DCC: variants seen among roughly 807,000 people sequenced by gnomAD.
The protein encoded by DCC is netrin receptor DCC.
In DCC, 58 loss-of-function variants were observed where a neutral mutation model predicts 172.5. That is an observed-to-expected ratio of 0.34 (90% confidence interval 0.27 to 0.42). The LOEUF is 0.42. DCC is among the 10% of genes least tolerant of loss of function. The pLI, the probability that DCC is intolerant of heterozygous loss-of-function variation, is 1.00. For missense variants in DCC, 1,740 were observed against 1,791.0 expected (o/e 0.97, Z 0.51); for synonymous variants, 709 against 644.5 (o/e 1.10, Z -1.52).
intron 1 of DCC, among the ~76,000 whole-genome samples, chr18:52,647,005 A>G (rs922670519): frequency 6.6e-6 from 1 of 152,192 alleles, no homozygotes; most frequent in African/African-American, 2.4e-5. Context: ...TGAATAACAA[A>G]AGACAGTCCT....
intron 15 of DCC, among the ~76,000 whole-genome samples, chr18:53,361,297 T>G (rs1425275368): frequency 2.6e-5 from 4 of 152,200 alleles, no homozygotes; most frequent in Non-Finnish European, 5.9e-5. Flanking sequence ...GTTTGTGTAT[T>G]TGTTATGGCA....
chr18:53,504,345 GT>G (rs1192607895), intron 27 of DCC, among the ~76,000 whole-genome samples: 1 of 152,142 alleles, frequency 6.6e-6, no homozygotes, highest in Non-Finnish European at 1.5e-5. Context: ...CCTTTAGAAG[GT>G]GACACAAGAC....
chr18:53,456,989 C>T (rs2045491152), intron 23 of DCC, among the ~76,000 whole-genome samples: 1 of 152,142 alleles, frequency 6.6e-6, no homozygotes, highest in African/African-American at 2.4e-5. Flanking sequence ...CCAAAGATTT[C>T]TCCTTTAATA....
intron 21 of DCC, among the ~76,000 whole-genome samples, chr18:53,430,030 C>T (rs1428989803): frequency 2.0e-5 from 3 of 152,100 alleles, no homozygotes. Context: ...CACATTTCAG[C>T]CTCTGACAAA....
intron 2 of DCC, among the ~76,000 whole-genome samples, chr18:52,785,142 G>A (rs778654603): frequency 3.3e-5 from 5 of 151,996 alleles, no homozygotes; most frequent in South Asian, 2.1e-4. Context: ...CCAGTTAATC[G>A]ACACCATCTT....
At chr18:53,012,338 C>T (rs1278304071) in intron 5 of DCC, among the ~76,000 whole-genome samples, 4 of 151,878 alleles carry the variant, frequency 2.6e-5, no homozygotes, top group African/African-American at 9.7e-5. Flanking sequence ...AAATAGAATA[C>T]TGAACAGTAA....
chr18:52,754,009 C>G (rs1176351097), intron 2 of DCC: 6 of 152,046 alleles, frequency 3.9e-5, no homozygotes, highest in Non-Finnish European at 8.8e-5. Flanking sequence ...TCAACGTAAT[C>G]TTTAGTTCTC....
chr18:53,281,331 A>ATGTC (rs2056869365), intron 12 of DCC, among the ~76,000 whole-genome samples: 1 of 152,200 alleles, frequency 6.6e-6, no homozygotes, highest in African/African-American at 2.4e-5. Context: ...TAAATTTGAT[A>ATGTC]TGTCATGTAA....
At chr18:52,592,279 T>C (rs1253913416) in intron 1 of DCC, among the ~76,000 whole-genome samples, 1 of 152,182 alleles carries the variant, frequency 6.6e-6, no homozygotes, top group Non-Finnish European at 1.5e-5. Flanking sequence ...GAAGAAACTT[T>C]TTGCAGAGGA....
chr18:53,420,166 A>T lies in DCC; in HGVS notation c.3163+4010A>T, dbSNP rs367761075. Among the ~76,000 whole-genome samples the T allele has an allele frequency of 8.3e-4, 127 of 152,252 alleles. 1 individual carries two copies. The South Asian group carries it at 0.015, about 17-fold the overall frequency. On this transcript the variant is annotated intron_variant, in intron 21 of 28. Coordinates refer to ENST00000442544, the MANE Select transcript of DCC (RefSeq NM_005215.4). ...CACCATGCCCCACCCAAAAGCCCTGATTTTAACCATCAACTGCATGACAAC... is the reference window on the plus strand; with the variant it reads ...CACCATGCCCCACCCAAAAGCCCTGTTTTTAACCATCAACTGCATGACAAC...
intron 5 of DCC, among the ~76,000 whole-genome samples, chr18:52,987,338 A>G (rs971625735): frequency 2.0e-5 from 3 of 152,164 alleles, no homozygotes; most frequent in African/African-American, 4.8e-5. Flanking sequence ...AACAAAACAC[A>G]GATAAGACAA....
At chr18:52,661,543 T>A (rs2144948198) in intron 1 of DCC, among the ~76,000 whole-genome samples, 1 of 152,362 alleles carries the variant, frequency 6.6e-6, no homozygotes, top group South Asian at 2.1e-4. Context: ...TCTGTTTCCC[T>A]GATGCCTCCA....
chr18:53,088,673 C>T (rs912025354), intron 7 of DCC, among the ~76,000 whole-genome samples: 4 of 151,670 alleles, frequency 2.6e-5, no homozygotes, highest in Non-Finnish European at 5.9e-5. Flanking sequence ...GCTAGCAAGA[C>T]TAATAAAGAA....
intron 4 of DCC, 34 bp from the exon 5 acceptor site, chr18:52,925,200 T>G: frequency 6.2e-7 from 1 of 1,605,560 alleles, no homozygotes; most frequent in Non-Finnish European, 8.5e-7. Flanking sequence ...TATACATATG[T>G]TAATTTACTC....
chr18:52,698,733 G>C (rs1010810493), intron 1 of DCC, among the ~76,000 whole-genome samples: 2 of 150,574 alleles, frequency 1.3e-5, no homozygotes, highest in Non-Finnish European at 1.5e-5. Context: ...CGAGTAGCTG[G>C]GATTACAGGC....
intron 1 of DCC, among the ~76,000 whole-genome samples, chr18:52,581,942 T>A (rs974475714): frequency 1.3e-5 from 2 of 152,202 alleles, no homozygotes. Context: ...GCAGTTAACA[T>A]ACGCTAGAAA....
intron 12 of DCC, among the ~76,000 whole-genome samples, chr18:53,260,968 G>A (rs1432009812): frequency 1.3e-5 from 2 of 152,126 alleles, no homozygotes; most frequent in East Asian, 1.9e-4. Context: ...TGCTAGCAAT[G>A]AGCAAGGTTC....
intron 3 of DCC, among the ~76,000 whole-genome samples, chr18:52,907,642 C>T (rs925372783): frequency 6.6e-6 from 1 of 152,102 alleles, no homozygotes; most frequent in South Asian, 2.1e-4. Context: ...TCTCAAACTC[C>T]TGGGCTCCAG....
intron 1 of DCC, among the ~76,000 whole-genome samples, chr18:52,497,316 C>T (rs8098822): frequency 0.66 from 19,564 of 29,770 alleles, 5,718 homozygotes; most frequent in East Asian, 0.76. Context: ...TATATATATA[C>T]ACACACACAT....
Sources: gnomAD v4.1 joint callset for allele counts (sites outside exome capture counted in the v4.1 genomes callset) on GRCh38, gnomAD v4.1.1 for gene constraint, MANE v1.5 for transcripts, NCBI Gene and HGNC (gene_info 2026-07-23, HGNC 2026-07-21) for gene names.